Variants in THEMIS observed in about 807,000 individuals in gnomAD.
THEMIS encodes the protein protein THEMIS.
A neutral mutation model predicts 52.6 loss-of-function variants in THEMIS; 37 were observed. That is an observed-to-expected ratio of 0.70 (90% CI 0.54 to 0.93). THEMIS has a LOEUF of 0.93. THEMIS is among the 40% of genes least tolerant of loss of function. The pLI, the probability that THEMIS is intolerant of heterozygous loss-of-function variation, is 0.00. For missense variants in THEMIS, 808 were observed against 763.1 expected, an observed-to-expected ratio of 1.06 and a Z score of -0.69; for synonymous variants, 292 against 272.7, an observed-to-expected ratio of 1.07 and a Z score of -0.70.
At chr6:127,911,400 G>A (rs802708) in intron 1 of THEMIS, among the ~76,000 whole-genome samples, 97,114 of 150,044 alleles carry the variant, frequency 0.65, 31,994 homozygotes, top group South Asian at 0.73. Context: ...ATATCAGCAT[G>A]GGTTTATGGA....
At chr6:127,795,931 C>T (rs1045062561) in intron 4 of THEMIS, among the ~76,000 whole-genome samples, 1 of 152,182 alleles carries the variant, frequency 6.6e-6, no homozygotes, top group African/African-American at 2.4e-5. Flanking sequence ...CCAGAAAAGA[C>T]AGGTAAAGGA....
intron 4 of THEMIS, among the ~76,000 whole-genome samples, chr6:127,790,629 G>T (rs1777124318): frequency 6.6e-6 from 1 of 152,166 alleles, no homozygotes; most frequent in African/African-American, 2.4e-5. Flanking sequence ...TCTGTGGTCG[G>T]TGGTGCCTTT....
Position 127,757,545 on chromosome 6 carries a change from C to T in THEMIS, c.1759-37722G>A, listed in dbSNP as rs535474892. On this transcript the variant is annotated intron_variant, in intron 4 of 5. Transcript: ENST00000368248. ...TCGCCCAGGCTGGAGTGCAGTGGCGCTATCTCGGCTCACTGCAAGCTCTGC... is the reference window on the plus strand; with the variant it reads ...TCGCCCAGGCTGGAGTGCAGTGGCGTTATCTCGGCTCACTGCAAGCTCTGC... 2.2e-4 allele frequency among the ~76,000 whole-genome samples: 33 copies of T among 151,902 alleles called. No homozygotes were observed. The East Asian group carries it at 5.1e-3, about 23-fold the overall frequency.
In THEMIS at chr6:127,802,978, C is replaced by T. The variant is rs145316713; in HGVS notation, c.1758+9905G>A. Among the ~76,000 whole-genome samples the T allele has an allele frequency of 7.9e-3, 1,202 of 152,292 alleles. 7 individuals carry two copies. Among genetic ancestry groups the T allele is most frequent in the Middle Eastern group, 0.02 (6 of 294 alleles). On this transcript the variant is annotated intron_variant, in intron 4 of 5. Coordinates refer to ENST00000368248, the MANE Select transcript of THEMIS (RefSeq NM_001010923.3). ...AATTTCACCACCATCCATTCTGATG[C>T]TTATGTTAGAAATCTGGATACTTTC...
chr6:127,846,175 A>T (rs1779207823), intron 2 of THEMIS, among the ~76,000 whole-genome samples: 1 of 151,956 alleles, frequency 6.6e-6, no homozygotes, highest in South Asian at 2.1e-4. Context: ...GAGAATGCAG[A>T]CTTTACAGAT....
chr6:127,753,814 G>A (rs189269340), intron 4 of THEMIS, among the ~76,000 whole-genome samples: 65 of 151,990 alleles, frequency 4.3e-4, no homozygotes, highest in African/African-American at 1.5e-3. Flanking sequence ...ATGTTCTGAA[G>A]GTCTACTGTA....
At chr6:127,907,006 A>T (rs1356840221) in intron 1 of THEMIS, among the ~76,000 whole-genome samples, 3 of 152,004 alleles carry the variant, frequency 2.0e-5, no homozygotes, top group Non-Finnish European at 4.4e-5. Flanking sequence ...GAGGCTTAAA[A>T]CTATATTATA....
chr6:127,878,734 T>C (rs1341820111), intron 1 of THEMIS, among the ~76,000 whole-genome samples: 1 of 152,192 alleles, frequency 6.6e-6, no homozygotes. Flanking sequence ...AATTAATAAA[T>C]AGAAATTTCT....
At chr6:127,846,456 A>G (rs1453286909) in intron 2 of THEMIS, among the ~76,000 whole-genome samples, 1 of 151,930 alleles carries the variant, frequency 6.6e-6, no homozygotes, top group African/African-American at 2.4e-5. Context: ...AATTGGAGAT[A>G]TTACAACCAA....
chr6:127,776,767 C>T (rs1776580787), intron 4 of THEMIS, among the ~76,000 whole-genome samples: 1 of 152,174 alleles, frequency 6.6e-6, no homozygotes. Context: ...GGTGAATGTT[C>T]TGTTTCAACT....
At chr6:127,757,925 C>T (rs1031724323) in intron 4 of THEMIS, among the ~76,000 whole-genome samples, 1 of 151,836 alleles carries the variant, frequency 6.6e-6, no homozygotes, top group Non-Finnish European at 1.5e-5. Flanking sequence ...TAATTATTCT[C>T]TATAGATTGA....
intron 4 of THEMIS, among the ~76,000 whole-genome samples, chr6:127,728,213 T>C (rs1227885901): frequency 6.6e-6 from 1 of 152,152 alleles, no homozygotes; most frequent in Non-Finnish European, 1.5e-5. Flanking sequence ...ATCCTCACGA[T>C]CTTGGATTCT....
chr6:127,845,294 T>A (rs1361955685), intron 2 of THEMIS, among the ~76,000 whole-genome samples: 1 of 151,918 alleles, frequency 6.6e-6, no homozygotes, highest in African/African-American at 2.4e-5. Flanking sequence ...TGGATAAATT[T>A]GAGGATATAT....
At chr6:127,866,902 C>T (rs919912489) in intron 1 of THEMIS, among the ~76,000 whole-genome samples, 2 of 151,352 alleles carry the variant, frequency 1.3e-5, no homozygotes, top group African/African-American at 4.8e-5. Flanking sequence ...GACACTAATG[C>T]CAGGCACAAA....
chr6:127,722,498 CCTTGATAACTTTG>C (rs1002495598), intron 4 of THEMIS, among the ~76,000 whole-genome samples: 10 of 151,992 alleles, frequency 6.6e-5, no homozygotes, highest in African/African-American at 2.4e-4. Flanking sequence ...TTCCACCATG[CCTTGATAACTTTG>C]CTTTATGGTT....
At chr6:127,916,786 C>T (rs77920324) in intron 1 of THEMIS, among the ~76,000 whole-genome samples, 5,971 of 152,248 alleles carry the variant, frequency 0.039, 663 homozygotes, top group East Asian at 0.38. Context: ...TTCTGTTGCT[C>T]ACAGCCAAGG....
At chr6:127,759,600 A>C (rs1176660754) in intron 4 of THEMIS, among the ~76,000 whole-genome samples, 1 of 152,006 alleles carries the variant, frequency 6.6e-6, no homozygotes, top group Non-Finnish European at 1.5e-5. Flanking sequence ...ACTTTATCTC[A>C]CATATATTCA....
intron 1 of THEMIS, among the ~76,000 whole-genome samples, chr6:127,913,777 A>T (rs574843752): frequency 9.8e-5 from 15 of 152,344 alleles, no homozygotes; most frequent in African/African-American, 3.4e-4. Context: ...TTTACAGCTC[A>T]TGCATTAGAA....
intron 3 of THEMIS, among the ~76,000 whole-genome samples, chr6:127,821,919 C>T (rs1778354052): frequency 6.6e-6 from 1 of 151,984 alleles, no homozygotes. Context: ...TTATTCAAGA[C>T]TTGAGGACAA....
Sources: gnomAD v4.1 joint callset for allele counts (sites outside exome capture counted in the v4.1 genomes callset) on GRCh38, gnomAD v4.1.1 for gene constraint, MANE v1.5 for transcripts, NCBI Gene and HGNC (gene_info 2026-07-23, HGNC 2026-07-21) for gene names.